The following MGAT4C variants were observed in gnomAD, a reference collection of about 807,000 sequenced individuals.
MGAT4C encodes MGAT4 family member C.
Under a neutral mutation model 40.1 loss-of-function variants are expected in MGAT4C, and 19 were observed. That is an observed-to-expected ratio of 0.47 (90% CI 0.33 to 0.70). The LOEUF is 0.70. Among genes scored for constraint, MGAT4C ranks in the 30% least tolerant of loss-of-function variants. The pLI is 0.02. For missense variants in MGAT4C, 491 were observed against 563.2 expected (o/e 0.87, Z 1.30); for synonymous variants, 181 against 187.1 (o/e 0.97, Z 0.27).
chr12:86,017,140 G>A (rs564411767), intron 2 of MGAT4C, among the ~76,000 whole-genome samples: 65 of 152,070 alleles, frequency 4.3e-4, no homozygotes, highest in African/African-American at 1.5e-3. Flanking sequence ...TAAAAAAAAC[G>A]TATTATATCA....
intron 2 of MGAT4C, among the ~76,000 whole-genome samples, chr12:86,705,787 G>A (rs1436321527): frequency 6.6e-6 from 1 of 152,072 alleles, no homozygotes; most frequent in Non-Finnish European, 1.5e-5. Context: ...ATAATTAATG[G>A]GGATCGGGAG....
chr12:86,538,551 T>G (rs1959113081), intron 2 of MGAT4C, among the ~76,000 whole-genome samples: 1 of 151,970 alleles, frequency 6.6e-6, no homozygotes, highest in South Asian at 2.1e-4. Context: ...CATATTCTTT[T>G]ACTGATAAAA....
intron 2 of MGAT4C, among the ~76,000 whole-genome samples, chr12:86,648,878 C>A (rs1172014491): frequency 6.6e-6 from 1 of 151,840 alleles, no homozygotes; most frequent in Non-Finnish European, 1.5e-5. Context: ...GCAAGTAATA[C>A]TAATTTCTTG....
chr12:86,712,417 C>T (rs993818127), intron 2 of MGAT4C, among the ~76,000 whole-genome samples: 3 of 152,048 alleles, frequency 2.0e-5, no homozygotes, highest in Non-Finnish European at 2.9e-5. Context: ...AAACTTCAGA[C>T]AGTTTGTATA....
chr12:86,143,146 G>A (rs1055253574), intron 1 of MGAT4C, among the ~76,000 whole-genome samples: 1 of 152,172 alleles, frequency 6.6e-6, no homozygotes, highest in Non-Finnish European at 1.5e-5. Flanking sequence ...AAGCCACCCA[G>A]TTTATGGTAT....
rs1882878897 is a variant in MGAT4C, at chr12:85,957,674, G to GAAAAAAAAAAAAAAAAAAAAAA, written c.*21614_*21615insTTTTTTTTTTTTTTTTTTTTTT. ...TAAGAAAGCAAAAAAAAAAAAAAAA[G>GAAAAAAAAAAAAAAAAAAAAAA]AAAAAAGAAAAAAAAAATCTATCAA... On this transcript the variant is annotated 3_prime_UTR_variant, in exon 5 of 5. Coordinates refer to ENST00000611864, the MANE Select transcript of MGAT4C (RefSeq NM_001351288.2). 1.0e-5 allele frequency: 1 copy of GAAAAAAAAAAAAAAAAAAAAAA among 98,498 alleles called. No individual in the cohort carries two copies. Among genetic ancestry groups the GAAAAAAAAAAAAAAAAAAAAAA allele is most frequent in the Non-Finnish European group, 2.3e-5 (1 of 43,522 alleles). The allele number at this position is 98,498 out of a possible 1,614,324, so 6.1% of individuals were successfully genotyped here. A position where few individuals can be genotyped will look rare whatever the true frequency, so the allele number is the denominator to read the frequency against.
chr12:86,033,902 G>A (rs1198755756), intron 2 of MGAT4C, among the ~76,000 whole-genome samples: 1 of 148,364 alleles, frequency 6.7e-6, no homozygotes, highest in Non-Finnish European at 1.5e-5. Context: ...ATTTTTTGAT[G>A]GCTCTTATTT....
At chr12:86,501,676 G>T (rs1022960989) in intron 2 of MGAT4C, among the ~76,000 whole-genome samples, 1 of 151,954 alleles carries the variant, frequency 6.6e-6, no homozygotes, top group Non-Finnish European at 1.5e-5. Flanking sequence ...ACATGATCTT[G>T]TTCCTTTTTA....
intron 2 of MGAT4C, among the ~76,000 whole-genome samples, chr12:86,046,158 G>A (rs1892379686): frequency 6.6e-6 from 1 of 152,174 alleles, no homozygotes; most frequent in South Asian, 2.1e-4. Flanking sequence ...GTGGAAGACT[G>A]ACTGACACAA....
intron 1 of MGAT4C, among the ~76,000 whole-genome samples, chr12:86,185,478 G>C (rs1313761665): frequency 6.6e-6 from 1 of 152,100 alleles, no homozygotes; most frequent in Non-Finnish European, 1.5e-5. Flanking sequence ...TGGGAGCACA[G>C]TCTTTCAGGT....
chr12:86,291,715 C>T (rs568589893), intron 4 of MGAT4C, among the ~76,000 whole-genome samples: 7 of 152,256 alleles, frequency 4.6e-5, no homozygotes, highest in Non-Finnish European at 5.9e-5. Flanking sequence ...ACATGTGGAC[C>T]TAACATAGGT....
At chr12:86,405,352 G>A (rs956756159) in intron 3 of MGAT4C, among the ~76,000 whole-genome samples, 1 of 151,916 alleles carries the variant, frequency 6.6e-6, no homozygotes, top group Admixed American at 6.6e-5. Context: ...CAATGAACTA[G>A]TGGACACCAA....
chr12:85,982,766 T>C (rs1884751914), intron 4 of MGAT4C, among the ~76,000 whole-genome samples: 1 of 152,224 alleles, frequency 6.6e-6, no homozygotes, highest in African/African-American at 2.4e-5. Flanking sequence ...AATTTGATCT[T>C]TGCAGATATA....
chr12:86,440,133 T>C (rs183434001), intron 2 of MGAT4C, among the ~76,000 whole-genome samples: 6 of 152,192 alleles, frequency 3.9e-5, no homozygotes, highest in Admixed American at 3.9e-4. Flanking sequence ...ATGAAGCCAG[T>C]ATCATTCTAA....
intron 1 of MGAT4C, among the ~76,000 whole-genome samples, chr12:86,175,171 G>T (rs900514053): frequency 6.6e-6 from 1 of 152,030 alleles, no homozygotes; most frequent in Non-Finnish European, 1.5e-5. Context: ...AGAAATGTAC[G>T]ATATAATCAA....
At chr12:86,530,869 T>C (rs1274986113) in intron 2 of MGAT4C, among the ~76,000 whole-genome samples, 1 of 152,122 alleles carries the variant, frequency 6.6e-6, no homozygotes, top group Admixed American at 6.6e-5. Flanking sequence ...ATGTCTATTA[T>C]GTACCATATA....
At chr12:86,671,340 A>G (rs1285062837) in intron 2 of MGAT4C, among the ~76,000 whole-genome samples, 4 of 152,160 alleles carry the variant, frequency 2.6e-5, no homozygotes, top group African/African-American at 9.7e-5. Context: ...TTTTTTCTAA[A>G]TGGGAAAAGG....
intron 1 of MGAT4C, among the ~76,000 whole-genome samples, chr12:86,807,511 T>A (rs1952381450): frequency 2.0e-5 from 3 of 152,086 alleles, no homozygotes; most frequent in Non-Finnish European, 2.9e-5. Flanking sequence ...ACATTTTTTT[T>A]ATCCAGTCTA....
At chr12:86,724,934 A>AT (rs200484536) in intron 2 of MGAT4C, among the ~76,000 whole-genome samples, 5 of 152,248 alleles carry the variant, frequency 3.3e-5, no homozygotes, top group East Asian at 1.9e-4. Flanking sequence ...GAGGTAATGC[A>AT]TTTTTTTAAC....
Sources: allele counts gnomAD v4.1 joint callset (sites outside exome capture counted in the v4.1 genomes callset), GRCh38; gene constraint gnomAD v4.1.1; transcripts MANE v1.5; gene names NCBI Gene and HGNC (gene_info 2026-07-23, HGNC 2026-07-21).